NRXN3: variants seen among roughly 807,000 people sequenced by gnomAD.
The protein encoded by NRXN3 is neurexin III.
Under a neutral mutation model 137.6 loss-of-function variants are expected in NRXN3, and 32 were observed. That is an observed-to-expected ratio of 0.23 (90% CI 0.18 to 0.31). The LOEUF (loss-of-function observed/expected upper bound fraction) is 0.31. NRXN3 is among the 10% of genes least tolerant of loss of function. NRXN3 has a pLI of 1.00. For synonymous variants in NRXN3, 798 were observed against 784.5 expected, an observed-to-expected ratio of 1.02 and a Z score of -0.29; for missense variants, 1,574 against 2,062.5, an observed-to-expected ratio of 0.76 and a Z score of 4.59.
At chr14:79,380,345 C>G (rs1378323540) in intron 15 of NRXN3, among the ~76,000 whole-genome samples, 2 of 151,620 alleles carry the variant, frequency 1.3e-5, no homozygotes, top group Non-Finnish European at 2.9e-5. Context: ...TATCCCTCCC[C>G]CTTCCCCCCA....
chr14:79,668,728 A>C (rs2098585960), intron 17 of NRXN3, among the ~76,000 whole-genome samples: 1 of 152,058 alleles, frequency 6.6e-6, no homozygotes, highest in Non-Finnish European at 1.5e-5. Flanking sequence ...ACTGTTTTGC[A>C]CATTGCAGGA....
At chr14:78,872,402 A>T (rs1481523498) in intron 10 of NRXN3, among the ~76,000 whole-genome samples, 1 of 151,024 alleles carries the variant, frequency 6.6e-6, no homozygotes, top group Non-Finnish European at 1.5e-5. Flanking sequence ...TTCTTTTATC[A>T]TATTAATGAT....
chr14:79,210,715 G>A (rs900868828), intron 15 of NRXN3, among the ~76,000 whole-genome samples: 2 of 152,102 alleles, frequency 1.3e-5, no homozygotes, highest in Admixed American at 1.3e-4. Flanking sequence ...ATTTGCTATT[G>A]ATGCAACAAT....
intron 4 of NRXN3, among the ~76,000 whole-genome samples, chr14:78,477,395 T>C (rs2095398804): frequency 6.6e-6 from 1 of 152,214 alleles, no homozygotes; most frequent in Non-Finnish European, 1.5e-5. Context: ...GAAAATGCAA[T>C]GCAAATCTTT....
chr14:78,793,055 A>C (rs550662016), intron 8 of NRXN3, among the ~76,000 whole-genome samples: 1 of 152,248 alleles, frequency 6.6e-6, no homozygotes, highest in South Asian at 2.1e-4. Context: ...GGGGATGGAT[A>C]CCCCATTCTC....
chr14:79,484,568 T>A (rs1229658946), intron 16 of NRXN3, among the ~76,000 whole-genome samples: 1 of 152,194 alleles, frequency 6.6e-6, no homozygotes, highest in African/African-American at 2.4e-5. Context: ...ATGGATATTC[T>A]TTTAAGCCCC....
intron 4 of NRXN3, among the ~76,000 whole-genome samples, chr14:78,571,971 T>A (rs1247051062): frequency 6.6e-6 from 1 of 152,218 alleles, no homozygotes; most frequent in Admixed American, 6.5e-5. Context: ...TACTCACTCC[T>A]TGTGGTGTGT....
intron 15 of NRXN3, among the ~76,000 whole-genome samples, chr14:79,220,862 G>A (rs1032700826): frequency 2.0e-5 from 3 of 151,852 alleles, no homozygotes; most frequent in East Asian, 3.9e-4. Context: ...CCATCAACCC[G>A]TCACCTACAT....
chr14:79,131,860 G>T (rs746076330), intron 15 of NRXN3, among the ~76,000 whole-genome samples: 2 of 152,244 alleles, frequency 1.3e-5, no homozygotes, highest in African/African-American at 4.8e-5. Context: ...TCTGAGCCAG[G>T]TGTGGGATAT....
At chr14:78,797,553 A>G (rs982892577) in intron 8 of NRXN3, among the ~76,000 whole-genome samples, 4 of 152,248 alleles carry the variant, frequency 2.6e-5, no homozygotes, top group Admixed American at 1.3e-4. Flanking sequence ...TACATATTGT[A>G]TATGTCTATT....
At chr14:79,731,809 A>AT (rs1459457165) in intron 19 of NRXN3, among the ~76,000 whole-genome samples, 5 of 150,672 alleles carry the variant, frequency 3.3e-5, no homozygotes, top group Non-Finnish European at 7.4e-5. Flanking sequence ...TTAAATTAGA[A>AT]TTTTTTATTT....
At chr14:78,648,957 T>C (rs2097712612) in intron 5 of NRXN3, among the ~76,000 whole-genome samples, 1 of 151,978 alleles carries the variant, frequency 6.6e-6, no homozygotes, top group African/African-American at 2.4e-5. Flanking sequence ...GGGTGAGGTG[T>C]GGTCTGAGAG....
At chr14:78,249,342 A>G (rs945657113) in intron 2 of NRXN3, among the ~76,000 whole-genome samples, 10 of 152,244 alleles carry the variant, frequency 6.6e-5, no homozygotes, top group South Asian at 6.2e-4. Context: ...GCATTTGGTA[A>G]TGAGATACCA....
At chr14:78,534,758 G>C (rs1046091529) in intron 4 of NRXN3, among the ~76,000 whole-genome samples, 3 of 152,118 alleles carry the variant, frequency 2.0e-5, no homozygotes, top group African/African-American at 4.8e-5. Flanking sequence ...TTTACAAAAG[G>C]TAGCACTTTG....
intron 15 of NRXN3, among the ~76,000 whole-genome samples, chr14:79,319,887 T>C (rs556460265): frequency 3.0e-4 from 46 of 152,274 alleles, no homozygotes; most frequent in African/African-American, 1.1e-3. Context: ...AATGGCAGGA[T>C]TCTGTCTGGT....
intron 1 of NRXN3, among the ~76,000 whole-genome samples, chr14:78,234,461 T>C (rs1567035488): frequency 6.6e-6 from 1 of 152,198 alleles, no homozygotes; most frequent in African/African-American, 2.4e-5. Flanking sequence ...ATGGAGTGGA[T>C]AAGTGATGGG....
chr14:78,982,289 T>C (rs1182902067), intron 14 of NRXN3, among the ~76,000 whole-genome samples: 1 of 152,206 alleles, frequency 6.6e-6, no homozygotes. Context: ...ATTTTGAATA[T>C]TTTGAATAGA....
intron 3 of NRXN3, among the ~76,000 whole-genome samples, chr14:78,296,183 A>G (rs1391290238): frequency 2.7e-5 from 4 of 149,172 alleles, no homozygotes; most frequent in Non-Finnish European, 5.9e-5. Context: ...CTCAGTGCCC[A>G]CCCGAGTAGC....
chr14:78,967,946 A>T (rs31414), intron 13 of NRXN3, among the ~76,000 whole-genome samples: 39,623 of 151,526 alleles, frequency 0.26, 9,362 homozygotes, highest in African/African-American at 0.62. Context: ...TCTATGATGA[A>T]TAAATTTTTG....
Sources: allele counts gnomAD v4.1 joint callset (sites outside exome capture counted in the v4.1 genomes callset), GRCh38; gene constraint gnomAD v4.1.1; transcripts MANE v1.5; gene names NCBI Gene and HGNC (gene_info 2026-07-23, HGNC 2026-07-21).